Variants in TNFRSF19 observed in about 807,000 individuals in gnomAD.
TNFRSF19 encodes tumor necrosis factor receptor superfamily member 19.
TNFRSF19 carries 27 observed loss-of-function variants against 46.4 expected under a neutral mutation model. The ratio of observed to expected loss-of-function variants is 0.58; its 90% confidence interval spans 0.43 to 0.80. TNFRSF19 has a LOEUF of 0.80. Ranked by LOEUF, TNFRSF19 falls within the 30% of genes least tolerant of loss-of-function variation. The pLI, the probability that TNFRSF19 is intolerant of heterozygous loss-of-function variation, is 0.00. For synonymous variants in TNFRSF19, 204 were observed against 205.0 expected, an observed-to-expected ratio of 1.00 and a Z score of 0.04; for missense variants, 511 against 530.8, an observed-to-expected ratio of 0.96 and a Z score of 0.37.
At chr13:23,656,661 G>A (rs1884003791) in intron 5 of TNFRSF19, among the ~76,000 whole-genome samples, 1 of 152,078 alleles carries the variant, frequency 6.6e-6, no homozygotes, top group South Asian at 2.1e-4. Flanking sequence ...GTGTAGGGCT[G>A]GGTTATTTGA....
rs1008170310 is a variant in TNFRSF19, at chr13:23,673,996, A to T, written c.*616A>T. 7.2e-5 allele frequency: 11 copies of T among 152,184 alleles called. No homozygotes were observed. Among genetic ancestry groups the T allele is most frequent in the Admixed American group, 2.6e-4 (4 of 15,274 alleles). The allele number at this position is 152,184 out of a possible 1,614,324, so 9.4% of individuals were successfully genotyped here. Reference sequence around the variant, plus strand: ...AAGTTTACTGAATCAGAGGAATCAGACAGAGGAGGATAGCTCTTTCCAGAA... The same window carrying T: ...AAGTTTACTGAATCAGAGGAATCAGTCAGAGGAGGATAGCTCTTTCCAGAA... On this transcript the variant is annotated 3_prime_UTR_variant, in exon 10 of 10. Transcript: ENST00000248484.
At chr13:23,581,127 CTTTTCTTTT>C (rs914798540) in intron 1 of TNFRSF19, among the ~76,000 whole-genome samples, 3 of 123,246 alleles carry the variant, frequency 2.4e-5, no homozygotes, top group Non-Finnish European at 3.6e-5. Context: ...TTCTTTTTTT[CTTTTCTTTT>C]TTTTTTTTTG....
intron 5 of TNFRSF19, among the ~76,000 whole-genome samples, chr13:23,646,300 C>T (rs1194660950): frequency 6.6e-6 from 1 of 152,060 alleles, no homozygotes; most frequent in Non-Finnish European, 1.5e-5. Context: ...ATAAAGTTTG[C>T]CACTTCAGCC....
chr13:23,592,751 T>C (rs1879406130), intron 2 of TNFRSF19, among the ~76,000 whole-genome samples: 1 of 152,208 alleles, frequency 6.6e-6, no homozygotes, highest in Non-Finnish European at 1.5e-5. Flanking sequence ...TCTAAGGAAA[T>C]GTAGTTCAGT....
intron 7 of TNFRSF19, among the ~76,000 whole-genome samples, chr13:23,665,613 C>G (rs574882988): frequency 5.9e-5 from 9 of 152,114 alleles, no homozygotes; most frequent in East Asian, 5.8e-4. Flanking sequence ...GCTTTATCCC[C>G]TCTCTCTCGT....
At chr13:23,646,235 C>T (rs1281946951) in intron 5 of TNFRSF19, among the ~76,000 whole-genome samples, 2 of 152,150 alleles carry the variant, frequency 1.3e-5, no homozygotes, top group South Asian at 4.1e-4. Context: ...ACCCTGAAGC[C>T]CCCCCAATCA....
intron 1 of TNFRSF19, among the ~76,000 whole-genome samples, chr13:23,580,142 A>G (rs1878305913): frequency 6.6e-6 from 1 of 152,230 alleles, no homozygotes; most frequent in South Asian, 2.1e-4. Flanking sequence ...ATCTCATGGG[A>G]CAGAAATTTG....
intron 5 of TNFRSF19, among the ~76,000 whole-genome samples, chr13:23,638,709 C>A (rs1420993947): frequency 1.3e-5 from 2 of 152,120 alleles, no homozygotes; most frequent in African/African-American, 2.4e-5. Context: ...GTTCCTGGGT[C>A]CCTGGTTTGC....
intron 1 of TNFRSF19, among the ~76,000 whole-genome samples, chr13:23,582,263 T>A (rs1456411673): frequency 7.3e-6 from 1 of 137,596 alleles, no homozygotes; most frequent in Non-Finnish European, 1.6e-5. Flanking sequence ...TAGCCGGGCG[T>A]GGTGGCGGGC....
At chr13:23,634,418 T>G (rs1882550483) in intron 5 of TNFRSF19, among the ~76,000 whole-genome samples, 1 of 152,250 alleles carries the variant, frequency 6.6e-6, no homozygotes, top group Admixed American at 6.5e-5. Context: ...GTTTAAATAT[T>G]TACTCACAAT....
chr13:23,665,116 A>G (rs1413335475), intron 7 of TNFRSF19, among the ~76,000 whole-genome samples: 2 of 152,052 alleles, frequency 1.3e-5, no homozygotes, highest in Admixed American at 6.6e-5. Flanking sequence ...GCCTTTGCCT[A>G]TATAGACAAG....
chr13:23,597,300 T>C (rs1482109467), intron 3 of TNFRSF19, among the ~76,000 whole-genome samples: 1 of 151,258 alleles, frequency 6.6e-6, no homozygotes, highest in African/African-American at 2.4e-5. Flanking sequence ...AATCAATTAA[T>C]CCAGGAGCTG....
intron 5 of TNFRSF19, among the ~76,000 whole-genome samples, chr13:23,639,664 C>A (rs1042172708): frequency 2.6e-5 from 4 of 152,170 alleles, no homozygotes; most frequent in African/African-American, 4.8e-5. Context: ...CTGGCACAAA[C>A]CAGTCAGGCC....
At chr13:23,594,031 C>T (rs1879512678) in intron 3 of TNFRSF19, among the ~76,000 whole-genome samples, 1 of 152,166 alleles carries the variant, frequency 6.6e-6, no homozygotes, top group South Asian at 2.1e-4. Context: ...CCAAGGGAAG[C>T]CTTGAGGGAC....
intron 5 of TNFRSF19, 50 bp from the exon 6 acceptor site, chr13:23,659,000 C>T (rs752883531): frequency 3.5e-5 from 57 of 1,609,974 alleles, no homozygotes; most frequent in Non-Finnish European, 4.7e-5. Context: ...GCCATAAACA[C>T]TGCATCTGCA....
chr13:23,586,172 G>A (rs113943715), intron 1 of TNFRSF19, among the ~76,000 whole-genome samples: 292 of 150,578 alleles, frequency 1.9e-3, no homozygotes, highest in African/African-American at 7.0e-3. Flanking sequence ...GTAGGAGAAT[G>A]GTGTGAACCT....
intron 5 of TNFRSF19, among the ~76,000 whole-genome samples, chr13:23,645,580 G>GT (rs1217391426): frequency 1.3e-5 from 2 of 152,250 alleles, no homozygotes; most frequent in African/African-American, 4.8e-5. Flanking sequence ...CTTGAAATAT[G>GT]TTTTTTTATA....
Position 23,647,527 on chromosome 13 carries a change from C to T in TNFRSF19, c.446-11523C>T, listed in dbSNP as rs141671815. ...AAATGATCCTCCTGTCTCAGCCTCC[C>T]GAGTAGCTGGGACTACAGGTGACAC... On this transcript the variant is annotated intron_variant, in intron 5 of 9. Coordinates refer to ENST00000248484, the MANE Select transcript of TNFRSF19 (RefSeq NM_148957.4). 8.1e-3 allele frequency among the ~76,000 whole-genome samples: 1,228 copies of T among 152,200 alleles called. 11 individuals carry two copies. The highest frequency in any genetic ancestry group is 0.034 in the Middle Eastern group (10 of 294).
chr13:23,593,473 C>T lies in TNFRSF19; in HGVS notation c.180+18C>T, dbSNP rs773609182. The T allele has an allele frequency of 2.9e-5, 44 of 1,514,094 alleles. No homozygotes were observed. The South Asian group carries it at 4.2e-4, about 15-fold the overall frequency. The allele number at this position is 1,514,094 out of a possible 1,614,324, so 93.8% of individuals were successfully genotyped here. A position where few individuals can be genotyped will look rare whatever the true frequency, so the allele number is the denominator to read the frequency against. On this transcript the variant is annotated intron_variant, in intron 3 of 9. Coordinates refer to ENST00000248484, the MANE Select transcript of TNFRSF19 (RefSeq NM_148957.4). ...TGTCTAAGGTATATTGGATACATGG[C>T]AAAGTTGTGTATCTGTGTTTGTAAA...
Sources: allele counts gnomAD v4.1 joint callset (sites outside exome capture counted in the v4.1 genomes callset), GRCh38; gene constraint gnomAD v4.1.1; transcripts MANE v1.5; gene names NCBI Gene and HGNC (gene_info 2026-07-23, HGNC 2026-07-21).